ABCB5: variants seen among roughly 807,000 people sequenced by gnomAD.
ABCB5 encodes ATP binding cassette subfamily B member 5, also known as ATP-binding cassette sub-family B member 5.
A neutral mutation model predicts 144.2 loss-of-function variants in ABCB5; 155 were observed. The observed-to-expected ratio is 1.08, with a 90% CI of 0.94 to 1.23. The LOEUF (loss-of-function observed/expected upper bound fraction) is 1.23, where lower values mean the gene tolerates loss of function less well. Among genes scored for constraint, ABCB5 ranks in the 50% most tolerant of loss-of-function variants. The pLI is 0.00. For synonymous variants in ABCB5, 610 were observed against 528.6 expected, an observed-to-expected ratio of 1.15 and a Z score of -2.11; for missense variants, 1,830 against 1,520.8, an observed-to-expected ratio of 1.20 and a Z score of -3.38.
At chr7:20,633,410 A>G (rs1003505037) in intron 5 of ABCB5, among the ~76,000 whole-genome samples, 2 of 152,138 alleles carry the variant, frequency 1.3e-5, no homozygotes, top group Non-Finnish European at 2.9e-5. Flanking sequence ...TGAAGACACC[A>G]TCTTGTCAAG....
chr7:20,699,684 G>A (rs1197862647), intron 17 of ABCB5, 141 bp from the exon 18 acceptor site: 2 of 541,830 alleles, frequency 3.7e-6, no homozygotes, highest in Non-Finnish European at 6.3e-6. Context: ...TCCAGCCTGG[G>A]CGACAGAGCA....
chr7:20,619,618 A>T (rs956114144), intron 1 of ABCB5, among the ~76,000 whole-genome samples: 3 of 151,804 alleles, frequency 2.0e-5, no homozygotes, highest in African/African-American at 7.3e-5. Context: ...ATTTTCTCTC[A>T]TTTTGTAGGT....
intron 14 of ABCB5, 127 bp from the exon 15 acceptor site, chr7:20,681,378 C>A: frequency 2.0e-6 from 2 of 1,013,462 alleles, no homozygotes; most frequent in Non-Finnish European, 2.8e-6. Context: ...CCACCCTCCT[C>A]GGCCTCCCAA....
At chr7:20,641,594 T>G (rs1486627672) in intron 5 of ABCB5, 1 of 154,092 alleles carries the variant, frequency 6.5e-6, no homozygotes, top group Non-Finnish European at 1.5e-5. Context: ...CAATTGAACA[T>G]CCTGGGTCTA....
At chr7:20,704,868 C>A (rs529347488) in intron 20 of ABCB5, 61 bp downstream of exon 20, 1 of 1,341,714 alleles carries the variant, frequency 7.5e-7, no homozygotes, top group East Asian at 2.3e-5. Flanking sequence ...ATGCAATGCA[C>A]ACATGTGTCT....
intron 14 of ABCB5, among the ~76,000 whole-genome samples, chr7:20,668,009 T>TC (rs199951633): frequency 1 from 34,984 of 34,986 alleles, 17,491 homozygotes; most frequent in Non-Finnish European, 1. Flanking sequence ...GCAGACGGAG[T>TC]TCGTTCACTC....
chr7:20,700,187 C>T, intron 19 of ABCB5, 52 bp downstream of exon 19: 1 of 1,415,284 alleles, frequency 7.1e-7, no homozygotes, highest in Non-Finnish European at 9.6e-7. Flanking sequence ...TATTGTAAAA[C>T]ATTCTAGCTT....
chr7:20,667,668 T>TGAGTGTTTTTGC (rs1785244042), intron 14 of ABCB5: 1 of 497,200 alleles, frequency 2.0e-6, no homozygotes, highest in African/African-American at 2.5e-5. Flanking sequence ...AACATTCGCC[T>TGAGTGTTTTTGC]CTGCCCCTGC....
rs1456302181 is a variant in ABCB5, at chr7:20,756,950, A to C, written c.*1326A>C. 1 of 152,368 alleles carries C rather than the reference A, an allele frequency of 6.6e-6. No individual in the cohort carries two copies. The highest frequency in any genetic ancestry group is 1.5e-5 in the Non-Finnish European group (1 of 68,050). 9.4% of individuals were successfully genotyped at this position (152,368 alleles called of 1,614,324 possible). On this transcript the variant is annotated 3_prime_UTR_variant, in exon 28 of 28. Coordinates refer to ENST00000404938, the MANE Select transcript of ABCB5 (RefSeq NM_001163941.2). ...AATCTTGTTAAACAAAATTAAAACC[A>C]TTTATATATTATGCTGCTTTCTTTA... is the stretch of plus-strand genomic sequence containing the variant.
chr7:20,715,733 T>TC (rs1003521135), intron 20 of ABCB5, among the ~76,000 whole-genome samples: 2 of 151,388 alleles, frequency 1.3e-5, no homozygotes, highest in African/African-American at 2.4e-5. Context: ...AATCTTTTTT[T>TC]TTTTTTTTGA....
intron 19 of ABCB5, among the ~76,000 whole-genome samples, 198 bp from the exon 20 acceptor site, chr7:20,704,525 TA>T (rs1235057306): frequency 6.6e-6 from 1 of 152,222 alleles, no homozygotes; most frequent in Non-Finnish European, 1.5e-5. Context: ...CTCTTGGGCT[TA>T]AGTTCTTCAG....
At chr7:20,666,244 C>G (rs1181138688) in intron 14 of ABCB5, among the ~76,000 whole-genome samples, 1 of 151,902 alleles carries the variant, frequency 6.6e-6, no homozygotes, top group Non-Finnish European at 1.5e-5. Flanking sequence ...AGCCCCAAAT[C>G]CAACTGAGGC....
chr7:20,700,739 TC>T (rs1256314048), intron 19 of ABCB5, among the ~76,000 whole-genome samples: 1 of 152,170 alleles, frequency 6.6e-6, no homozygotes, highest in Non-Finnish European at 1.5e-5. Flanking sequence ...GGAAGGAATG[TC>T]TCAGACTGGC....
At chr7:20,647,447 G>A (rs916129936) in intron 9 of ABCB5, 88 bp from the exon 10 acceptor site, 87 of 1,428,004 alleles carry the variant, frequency 6.1e-5, no homozygotes, top group Middle Eastern at 2.5e-4. Flanking sequence ...ATCTCTCTGT[G>A]AGCCTAAACC....
In ABCB5 at chr7:20,643,623, A is replaced by T. The variant is rs367998423; in HGVS notation, c.669A>T (p.Ala223=). Residue 223 remains alanine, a synonymous_variant, in exon 7 of 28, where the codon GCA becomes GCT. Transcript: ENST00000404938. The part of the protein sequence containing the change: ...TSPLIMASAA[A]CSRMVISLTS... ...CTCTTATAATGGCTTCAGCGGCAGC[A>T]TGTTCTAGGGTAAGTGAGATGGCTA... 1 of 1,613,912 alleles carries T rather than the reference A, an allele frequency of 6.2e-7. No individual in the cohort carries two copies. Among genetic ancestry groups the T allele is most frequent in the South Asian group, 1.1e-5 (1 of 91,082 alleles).
rs1263928316 is a variant in ABCB5 at position 20,643,342 on chromosome 7, G to C, written c.473G>C (p.Cys158Ser). Residue 158 changes from cysteine to serine, a missense_variant, in exon 6 of 28, where the codon TGT (cysteine) becomes TCT (serine). Cys to Ser is a moderately radical substitution (Grantham distance 112). Coordinates refer to ENST00000404938, the MANE Select transcript of ABCB5 (RefSeq NM_001163941.2). Reference protein sequence around the residue: ...LAQDIGWFDSCDIGELNTRMT... With the variant: ...LAQDIGWFDSSDIGELNTRMT... ...CAGGACATCGGCTGGTTTGATAGCT[G>C]TGACATCGGTGAACTTAACACTCGC... 3 of 1,613,842 alleles carry C rather than the reference G, an allele frequency of 1.9e-6. No individual in the cohort carries two copies. The highest frequency in any genetic ancestry group is 1.7e-5 in the Admixed American group (1 of 59,978).
intron 7 of ABCB5, 29 bp downstream of exon 7, chr7:20,643,661 A>G (rs1043152073): frequency 6.2e-7 from 1 of 1,611,064 alleles, no homozygotes; most frequent in Non-Finnish European, 8.5e-7. Flanking sequence ...GCAATATTGA[A>G]TGGAAGCAGC....
intron 13 of ABCB5, among the ~76,000 whole-genome samples, chr7:20,652,785 C>T (rs1481044320): frequency 6.6e-6 from 1 of 152,132 alleles, no homozygotes; most frequent in South Asian, 2.1e-4. Flanking sequence ...TGCGGAGCAC[C>T]TTGTTACATA....
At chr7:20,645,721 A>C (rs1784388343) in intron 7 of ABCB5, 35 bp from the exon 8 acceptor site, 3 of 1,610,532 alleles carry the variant, frequency 1.9e-6, no homozygotes, top group Non-Finnish European at 2.5e-6. Flanking sequence ...TACTACACAG[A>C]GTCATTTTTT....
Sources: gnomAD v4.1 joint callset for allele counts (sites outside exome capture counted in the v4.1 genomes callset) on GRCh38, gnomAD v4.1.1 for gene constraint, MANE v1.5 for transcripts, NCBI Gene and HGNC (gene_info 2026-07-23, HGNC 2026-07-21) for gene names.